The following NRXN3 variants were observed in gnomAD, a reference collection of about 807,000 sequenced individuals.
The protein encoded by NRXN3 is neurexin III.
In NRXN3, 32 loss-of-function variants were observed where a neutral mutation model predicts 137.6. That is an observed-to-expected ratio of 0.23 (90% confidence interval 0.18 to 0.31). The LOEUF (loss-of-function observed/expected upper bound fraction) is 0.31, where lower values mean the gene tolerates loss of function less well. NRXN3 is among the 10% of genes least tolerant of loss of function. The pLI, the probability that NRXN3 is intolerant of heterozygous loss-of-function variation, is 1.00. For missense variants in NRXN3, 1,574 were observed against 2,062.5 expected (o/e 0.76, Z 4.59); for synonymous variants, 798 against 784.5 (o/e 1.02, Z -0.29).
chr14:79,675,492 A>G lies in NRXN3; in HGVS notation c.3616+11543A>G, dbSNP rs1016511445. Reference sequence around the variant, plus strand: ...GGGGGAACCCTGATTTAAATCACGGATAGTTGGAAGCCTACAGCTTTTACT... The same window carrying G: ...GGGGGAACCCTGATTTAAATCACGGGTAGTTGGAAGCCTACAGCTTTTACT... On this transcript the variant is annotated intron_variant, in intron 17 of 20. Transcript: ENST00000335750. 5.3e-5 allele frequency among the ~76,000 whole-genome samples: 8 copies of G among 152,090 alleles called. No homozygotes were observed. The South Asian group carries it at 1.2e-3, about 24-fold the overall frequency.
intron 4 of NRXN3, among the ~76,000 whole-genome samples, chr14:78,546,976 C>T (rs2096641872): frequency 6.6e-6 from 1 of 152,124 alleles, no homozygotes; most frequent in Admixed American, 6.5e-5. Context: ...TATAGTTCCT[C>T]TTATTTGTTA....
intron 15 of NRXN3, among the ~76,000 whole-genome samples, chr14:79,452,767 C>T (rs73339463): frequency 0.028 from 4,235 of 152,192 alleles, 206 homozygotes; most frequent in African/African-American, 0.098. Flanking sequence ...AAATGAGAAT[C>T]ACAAAACACT....
At chr14:79,813,446 A>G (rs923970660) in intron 20 of NRXN3, among the ~76,000 whole-genome samples, 1 of 152,196 alleles carries the variant, frequency 6.6e-6, no homozygotes, top group South Asian at 2.1e-4. Context: ...TTTTGTTTTC[A>G]TATTTACTAT....
At chr14:79,172,253 T>G (rs2061857518) in intron 15 of NRXN3, among the ~76,000 whole-genome samples, 1 of 152,092 alleles carries the variant, frequency 6.6e-6, no homozygotes. Flanking sequence ...GCCATAATAC[T>G]TATTAGTCCC....
intron 20 of NRXN3, among the ~76,000 whole-genome samples, chr14:79,858,036 T>C (rs929814449): frequency 1.3e-5 from 2 of 152,188 alleles, no homozygotes; most frequent in Non-Finnish European, 2.9e-5. Context: ...AGTTTTAAAA[T>C]AAGCTCTTAT....
chr14:79,492,877 G>C (rs1186126406), intron 16 of NRXN3, among the ~76,000 whole-genome samples: 7 of 152,192 alleles, frequency 4.6e-5, no homozygotes, highest in Non-Finnish European at 7.3e-5. Context: ...CATCTCACCT[G>C]TTTCCTTCCA....
rs553370929 is a variant in NRXN3, at chr14:78,585,345, G to A, written c.758-59775G>A. On this transcript the variant is annotated intron_variant, in intron 4 of 20. Coordinates refer to ENST00000335750, the MANE Select transcript of NRXN3 (RefSeq NM_001330195.2). ...AGGGGCCTGTGTGGCTAGTACAGAG[G>A]GAGGAAGGCTGAGAGTAGAGATGAT... is the stretch of plus-strand genomic sequence containing the variant. Among the ~76,000 whole-genome samples, 5 of 152,244 alleles carry A rather than the reference G, an allele frequency of 3.3e-5. No individual in the cohort carries two copies. The East Asian group carries it at 9.7e-4, about 29-fold the overall frequency.
chr14:79,172,438 A>G (rs113652039), intron 15 of NRXN3, among the ~76,000 whole-genome samples: 151 of 152,240 alleles, frequency 9.9e-4, no homozygotes, highest in African/African-American at 3.4e-3. Flanking sequence ...AGAAAGGGAG[A>G]AAGGATGGAA....
At chr14:79,662,351 T>C (rs1296140973) in intron 16 of NRXN3, among the ~76,000 whole-genome samples, 1 of 152,150 alleles carries the variant, frequency 6.6e-6, no homozygotes, top group Non-Finnish European at 1.5e-5. Flanking sequence ...TCCAAGAGCT[T>C]AAGAGAGGCT....
chr14:78,445,510 T>C (rs1378364528), intron 4 of NRXN3, among the ~76,000 whole-genome samples: 1 of 152,190 alleles, frequency 6.6e-6, no homozygotes, highest in Non-Finnish European at 1.5e-5. Flanking sequence ...TGGCTGTCTC[T>C]GTATGTGCAC....
At chr14:78,326,404 T>C (rs1411463752) in intron 4 of NRXN3, among the ~76,000 whole-genome samples, 2 of 152,192 alleles carry the variant, frequency 1.3e-5, no homozygotes, top group East Asian at 3.9e-4. Flanking sequence ...GTGAAAAGAA[T>C]GAGCTGAAAC....
At chr14:79,529,393 G>T (rs920943252) in intron 16 of NRXN3, among the ~76,000 whole-genome samples, 2 of 152,208 alleles carry the variant, frequency 1.3e-5, no homozygotes, top group African/African-American at 4.8e-5. Context: ...GCAGGCCCAG[G>T]CCTGGTTTCG....
At position 79,577,180 on chromosome 14, in the gene NRXN3, C is replaced by A. The variant is rs139869526; in HGVS notation, c.3445-86598C>A. Among the ~76,000 whole-genome samples, 358 of 152,272 alleles carry A rather than the reference C, an allele frequency of 2.4e-3. 2 individuals are homozygous for A. The highest frequency in any genetic ancestry group is 8.4e-3 in the African/African-American group (350 of 41,560). ...CTTCCATCATGATAGTGAGGCCTCCCAAGCCTTGTGGAACTGTGAGTCCAT... is the reference window on the plus strand; with the variant it reads ...CTTCCATCATGATAGTGAGGCCTCCAAAGCCTTGTGGAACTGTGAGTCCAT... On this transcript the variant is annotated intron_variant, in intron 16 of 20. Coordinates refer to ENST00000335750, the MANE Select transcript of NRXN3 (RefSeq NM_001330195.2).
intron 15 of NRXN3, among the ~76,000 whole-genome samples, chr14:79,005,703 C>G (rs965284026): frequency 5.9e-5 from 9 of 152,142 alleles, no homozygotes; most frequent in African/African-American, 2.2e-4. Context: ...CCTTGTTCAT[C>G]TAGATATGTT....
chr14:79,186,394 A>T (rs1282477762), intron 15 of NRXN3, among the ~76,000 whole-genome samples: 1 of 152,106 alleles, frequency 6.6e-6, no homozygotes, highest in African/African-American at 2.4e-5. Context: ...CTAACATGCC[A>T]TGTCTCTCTC....
At chr14:79,383,018 T>A (rs2094513204) in intron 15 of NRXN3, among the ~76,000 whole-genome samples, 1 of 151,306 alleles carries the variant, frequency 6.6e-6, no homozygotes, top group South Asian at 2.1e-4. Flanking sequence ...GTGGAGGAGG[T>A]GGTACTGGAT....
chr14:78,636,293 G>A (rs891157300), intron 4 of NRXN3, among the ~76,000 whole-genome samples: 39 of 152,118 alleles, frequency 2.6e-4, no homozygotes, highest in Non-Finnish European at 1.6e-4. Flanking sequence ...AGAAGAGCCA[G>A]AAAACTGCAG....
chr14:78,940,344 A>G (rs533341612), intron 10 of NRXN3, among the ~76,000 whole-genome samples: 83 of 152,338 alleles, frequency 5.4e-4, no homozygotes, highest in African/African-American at 1.8e-3. Context: ...CCAAATGTGC[A>G]TGTATATATG....
intron 4 of NRXN3, among the ~76,000 whole-genome samples, chr14:78,468,286 G>A (rs1421820639): frequency 6.6e-6 from 1 of 152,170 alleles, no homozygotes; most frequent in Non-Finnish European, 1.5e-5. Context: ...TAGGTTGGCT[G>A]TACACACCTG....
Sources: gnomAD v4.1 joint callset for allele counts (sites outside exome capture counted in the v4.1 genomes callset) on GRCh38, gnomAD v4.1.1 for gene constraint, MANE v1.5 for transcripts, NCBI Gene and HGNC (gene_info 2026-07-23, HGNC 2026-07-21) for gene names.